Variants in BLOC1S3 observed in about 807,000 individuals in gnomAD.
The protein encoded by BLOC1S3 is biogenesis of lysosome-related organelles complex 1 subunit 3.
Under a neutral mutation model 9.1 loss-of-function variants are expected in BLOC1S3, and 7 were observed. The ratio of observed to expected loss-of-function variants is 0.77; its 90% CI spans 0.44 to 1.45. The LOEUF is 1.45. Among genes scored for constraint, BLOC1S3 ranks in the 40% most tolerant of loss-of-function variants. The pLI is 0.01. For missense variants in BLOC1S3, 307 were observed against 315.2 expected (o/e 0.97, Z 0.20); for synonymous variants, 145 against 158.4 (o/e 0.92, Z 0.64).
rs569148348 is a variant in BLOC1S3 at position 45,213,146 on chromosome 19, G to A, written n.283-3530G>A. 19 of 1,585,656 alleles carry A rather than the reference G, an allele frequency of 1.2e-5. No homozygotes were observed. In the East Asian group the frequency reaches 1.4e-4, roughly 12 times the overall value. On this transcript the variant is annotated intron_variant and non_coding_transcript_variant, in intron 3 of 3. Transcript: ENST00000591569. ...CAGGCCAAACTGGGCCTGGCCAGCC[G>A]GGAGAGGGGGAGGCGGCCCAGGAAG...
chr19:45,207,579 A>AAAC (rs1969737318), intron 3 of BLOC1S3, among the ~76,000 whole-genome samples: 1 of 148,926 alleles, frequency 6.7e-6, no homozygotes, highest in Non-Finnish European at 1.5e-5. Context: ...AAAAAAAAAA[A>AAAC]AAAAAAACCT....
In BLOC1S3 at chr19:45,179,794, C is replaced by T; in HGVS notation, c.498C>T (p.Asp166=). ...ACAGCGTGCGCCTGGCGCGCGGGGA[C>T]CTTTGTGCGCTGGCCGAGCGTCTGG... ...AAHSVRLARG[D]LCALAERLDI... The change falls in exon 2 of 2, where the codon GAC becomes GAT. Residue 166 remains aspartate, a synonymous_variant. Coordinates refer to ENST00000433642, the MANE Select transcript of BLOC1S3 (RefSeq NM_212550.5). The surrounding 1 kb of genome is among the most constrained non-coding windows in gnomAD (Gnocchi z 4.6). 6.3e-7 allele frequency: 1 copy of T among 1,593,178 alleles called. No homozygotes were observed. The highest frequency in any genetic ancestry group is 8.5e-7 in the Non-Finnish European group (1 of 1,173,212).
At chr19:45,194,206 AG>A in intron 2 of BLOC1S3, among the ~76,000 whole-genome samples, 1 of 139,840 alleles carries the variant, frequency 7.2e-6, no homozygotes, top group African/African-American at 2.7e-5. Context: ...TCTGCCTCCC[AG>A]GTTCAAGCAA....
chr19:45,205,326 C>T (rs562156928), intron 3 of BLOC1S3, among the ~76,000 whole-genome samples: 13 of 152,046 alleles, frequency 8.6e-5, no homozygotes, highest in South Asian at 2.1e-4. Flanking sequence ...CCACCACACC[C>T]GGCTAATTTT....
chr19:45,213,270 C>G (rs1329446805), intron 3 of BLOC1S3: 2 of 1,613,646 alleles, frequency 1.2e-6, no homozygotes, highest in East Asian at 4.5e-5. Flanking sequence ...CAGAGAGTTC[C>G]AGGTCCCGGG....
In BLOC1S3 at chr19:45,181,284, G is replaced by A. The variant is rs893922630; in HGVS notation, c.*1379G>A. On this transcript the variant is annotated 3_prime_UTR_variant, in exon 2 of 2. Coordinates refer to ENST00000433642, the MANE Select transcript of BLOC1S3 (RefSeq NM_212550.5). The stretch of plus-strand genomic sequence containing the variant: ...CTTCCTTCTGCAGGCCCAAAATGAT[G>A]GCCCCTCTTAACCCAAGGCAGGGGA... The A allele has an allele frequency of 1.8e-5, 3 of 167,152 alleles. No individual in the cohort carries two copies. The highest frequency in any genetic ancestry group is 7.2e-5 in the African/African-American group (3 of 41,434). The allele number at this position is 167,152 out of a possible 1,614,324, so 10.4% of individuals were successfully genotyped here.
chr19:45,195,260 G>A (rs1172135220), intron 2 of BLOC1S3, among the ~76,000 whole-genome samples: 2 of 151,976 alleles, frequency 1.3e-5, no homozygotes, highest in Non-Finnish European at 2.9e-5. Flanking sequence ...TTCCTAAGGT[G>A]CGGTGGCATG....
At chr19:45,215,521 A>G (rs898620741) in intron 3 of BLOC1S3, among the ~76,000 whole-genome samples, 1 of 152,218 alleles carries the variant, frequency 6.6e-6, no homozygotes, top group Non-Finnish European at 1.5e-5. Flanking sequence ...TAGGTCTGAA[A>G]TAAGAACTCA....
At chr19:45,183,744 A>G (rs1568471447), downstream of BLOC1S3, among the ~76,000 whole-genome samples, 2 of 144,532 alleles carry the variant, frequency 1.4e-5, no homozygotes, top group South Asian at 4.3e-4. Context: ...CTCCTGCTTC[A>G]GCCTCCTGAG....
chr19:45,185,415 G>A (rs181219168), downstream of BLOC1S3, among the ~76,000 whole-genome samples: 46 of 152,288 alleles, frequency 3.0e-4, no homozygotes, highest in East Asian at 7.7e-3. Context: ...TTCGGGCACA[G>A]CCTCCCTCCA....
Position 45,181,004 on chromosome 19 carries a change from G to C in BLOC1S3, c.*1099G>C, listed in dbSNP as rs1969513369. 6.0e-6 allele frequency: 1 copy of C among 167,218 alleles called. No individual in the cohort carries two copies. The highest frequency in any genetic ancestry group is 2.4e-5 in the African/African-American group (1 of 41,424). The allele number at this position is 167,218 out of a possible 1,614,324, so 10.4% of individuals were successfully genotyped here. ...ACCTCCTAAAATGCTGGGATTACAG[G>C]CGTGGGCCACTGCGCCTAGCCAGCT... is the stretch of plus-strand genomic sequence containing the variant. On this transcript the variant is annotated 3_prime_UTR_variant, in exon 2 of 2. Transcript: ENST00000433642.
In BLOC1S3 at chr19:45,207,546, ACT is replaced by A. The variant is rs1257160574; in HGVS notation, n.282+5042_282+5043del. Among the ~76,000 whole-genome samples the A allele has an allele frequency of 2.8e-4, 33 of 118,466 alleles. No individual in the cohort carries two copies. In the South Asian group the frequency reaches 8.7e-3, roughly 31 times the overall value. The allele number at this position is 118,466 out of a possible 152,430, so 77.7% of individuals were successfully genotyped here. Reference sequence around the variant, plus strand: ...ACTCCAGTGTGGGTGACAGAGCGAGACTCTGTCTCAAAAAAAAAAAAAAAAAA... The same window carrying A: ...ACTCCAGTGTGGGTGACAGAGCGAGACTGTCTCAAAAAAAAAAAAAAAAAA... On this transcript the variant is annotated intron_variant and non_coding_transcript_variant, in intron 3 of 3. Transcript: ENST00000591569.
intron 3 of BLOC1S3, among the ~76,000 whole-genome samples, chr19:45,215,906 A>G (rs1969828458): frequency 6.6e-6 from 1 of 152,052 alleles, no homozygotes; most frequent in South Asian, 2.1e-4. Flanking sequence ...GCGGCAGGAG[A>G]AGGAGGGAAA....
At chr19:45,188,186 C>T (rs1050843718) in intron 2 of BLOC1S3, among the ~76,000 whole-genome samples, 2 of 152,092 alleles carry the variant, frequency 1.3e-5, no homozygotes, top group African/African-American at 4.8e-5. Context: ...CTATGTCCGA[C>T]TAATTTTTGT....
intron 2 of BLOC1S3, among the ~76,000 whole-genome samples, chr19:45,192,984 T>C (rs1266551496): frequency 6.6e-6 from 1 of 151,034 alleles, no homozygotes; most frequent in African/African-American, 2.4e-5. Flanking sequence ...ACATACAAAA[T>C]TAGCCGGGTG....
intron 2 of BLOC1S3, among the ~76,000 whole-genome samples, chr19:45,189,290 G>A (rs554430103): frequency 5.9e-5 from 9 of 152,306 alleles, no homozygotes; most frequent in African/African-American, 2.2e-4. Context: ...AAAGTGCTGG[G>A]ATTACAAGTA....
intron 2 of BLOC1S3, among the ~76,000 whole-genome samples, chr19:45,196,667 T>C (rs1599753339): frequency 1.3e-5 from 2 of 150,824 alleles, no homozygotes; most frequent in African/African-American, 4.9e-5. Context: ...CCGAGGCGGG[T>C]GGATCATAAG....
At chr19:45,190,623 A>C (rs1969597225) in intron 2 of BLOC1S3, among the ~76,000 whole-genome samples, 1 of 151,226 alleles carries the variant, frequency 6.6e-6, no homozygotes, top group Non-Finnish European at 1.5e-5. Flanking sequence ...GCTGGTCTCG[A>C]ACTCTTGAGC....
At chr19:45,211,323 C>G (rs1418371657) in intron 3 of BLOC1S3, among the ~76,000 whole-genome samples, 2 of 151,606 alleles carry the variant, frequency 1.3e-5, no homozygotes, top group African/African-American at 4.9e-5. Flanking sequence ...ATGGTGAAGC[C>G]CCGTCTCTAC....
Sources: gnomAD v4.1 joint callset for allele counts (sites outside exome capture counted in the v4.1 genomes callset) on GRCh38, gnomAD v4.1.1 for gene constraint, Gnocchi (gnomAD v3.1) non-coding constraint, MANE v1.5 for transcripts, NCBI Gene and HGNC (gene_info 2026-07-23, HGNC 2026-07-21) for gene names.